The following BTBD10 variants were observed in gnomAD, a reference collection of about 807,000 sequenced individuals.
The protein encoded by BTBD10 is BTB domain containing 10.
A neutral mutation model predicts 53.2 loss-of-function variants in BTBD10; 21 were observed. The observed-to-expected ratio is 0.39, with a 90% CI of 0.28 to 0.57. The LOEUF is 0.57. Ranked by LOEUF, BTBD10 falls within the 20% of genes least tolerant of loss-of-function variation. The probability of loss-of-function intolerance (pLI) is 0.53; values close to 1 mark genes in which losing one functional copy is unlikely to be tolerated. For missense variants in BTBD10, 360 were observed against 594.7 expected, an observed-to-expected ratio of 0.61 and a Z score of 4.10; for synonymous variants, 149 against 192.7, an observed-to-expected ratio of 0.77 and a Z score of 1.88.
intron 2 of BTBD10, among the ~76,000 whole-genome samples, chr11:13,422,344 G>T (rs61360242): frequency 1.3e-5 from 2 of 151,770 alleles, no homozygotes; most frequent in African/African-American, 4.8e-5. Flanking sequence ...TTTTTTTAAA[G>T]TTTTTCTGAA....
intron 2 of BTBD10, among the ~76,000 whole-genome samples, chr11:13,442,934 G>A (rs1423535408): frequency 6.6e-6 from 1 of 151,694 alleles, no homozygotes; most frequent in Non-Finnish European, 1.5e-5. Context: ...TTCTTCCTTG[G>A]GCAGATTTTC....
At chr11:13,414,136 T>C (rs926742043) in intron 5 of BTBD10, among the ~76,000 whole-genome samples, 2 of 152,216 alleles carry the variant, frequency 1.3e-5, no homozygotes, top group African/African-American at 4.8e-5. Context: ...TATTAAAATA[T>C]GTAAAATAAG....
chr11:13,418,275 G>C (rs967915892), intron 4 of BTBD10, among the ~76,000 whole-genome samples: 13 of 151,936 alleles, frequency 8.6e-5, no homozygotes, highest in Admixed American at 2.6e-4. Context: ...TAAAAAGAAG[G>C]CTTTGCTAAT....
intron 6 of BTBD10, among the ~76,000 whole-genome samples, chr11:13,411,806 C>A (rs1009335451): frequency 4.6e-5 from 7 of 151,274 alleles, no homozygotes; most frequent in African/African-American, 1.7e-4. Context: ...AATCAGGGAT[C>A]TATAATGCTC....
chr11:13,418,968 T>A (rs980374621), intron 4 of BTBD10, among the ~76,000 whole-genome samples: 3 of 117,742 alleles, frequency 2.5e-5, no homozygotes, highest in African/African-American at 9.1e-5. Flanking sequence ...CTTGTTGACA[T>A]TCCTTTTTTT....
At chr11:13,445,544 T>C (rs1388166339) in intron 1 of BTBD10, among the ~76,000 whole-genome samples, 2 of 152,168 alleles carry the variant, frequency 1.3e-5, no homozygotes, top group African/African-American at 4.8e-5. Context: ...ACAATTTCAC[T>C]TGGAACATAT....
At chr11:13,394,090 AT>A (rs551326750) in intron 8 of BTBD10, among the ~76,000 whole-genome samples, 93 of 152,324 alleles carry the variant, frequency 6.1e-4, no homozygotes, top group African/African-American at 2.1e-3. Context: ...AGAATTTAAA[AT>A]TTTTAGGTAA....
At chr11:13,393,103 GT>G (rs921369003) in intron 8 of BTBD10, among the ~76,000 whole-genome samples, 1 of 152,128 alleles carries the variant, frequency 6.6e-6, no homozygotes, top group African/African-American at 2.4e-5. Context: ...AATGATTTAG[GT>G]AAGAATTATT....
At chr11:13,438,960 C>T (rs1469710893) in intron 2 of BTBD10, among the ~76,000 whole-genome samples, 2 of 151,812 alleles carry the variant, frequency 1.3e-5, no homozygotes, top group South Asian at 2.1e-4. Flanking sequence ...CAAGATACCA[C>T]GAACAGAACT....
intron 8 of BTBD10, among the ~76,000 whole-genome samples, chr11:13,392,263 G>T (rs1565225479): frequency 6.6e-6 from 1 of 152,304 alleles, no homozygotes; most frequent in South Asian, 2.1e-4. Flanking sequence ...CTTCTTGAAT[G>T]CCTTCCTTAA....
intron 1 of BTBD10, among the ~76,000 whole-genome samples, chr11:13,460,752 T>G (rs1429189862): frequency 6.6e-6 from 1 of 152,252 alleles, no homozygotes; most frequent in African/African-American, 2.4e-5. Context: ...AAGGGATCAG[T>G]ATTTCTTCCA....
chr11:13,411,605 T>C (rs1225631294), intron 6 of BTBD10, among the ~76,000 whole-genome samples: 1 of 152,158 alleles, frequency 6.6e-6, no homozygotes, highest in South Asian at 2.1e-4. Flanking sequence ...TTACTTTTAA[T>C]CTGTAACAAA....
rs1012092635 is a variant in BTBD10 at position 13,393,227 on chromosome 11, T to C, written c.1118-4086A>G. On this transcript the variant is annotated intron_variant, in intron 8 of 8. Coordinates refer to ENST00000278174, the MANE Select transcript of BTBD10 (RefSeq NM_032320.7). Reference sequence around the variant, plus strand: ...GCCTGACTATAGCAATCTCTCAATATGAATATGGGACCACAGAGCTAAAAT... The same window carrying C: ...GCCTGACTATAGCAATCTCTCAATACGAATATGGGACCACAGAGCTAAAAT... Among the ~76,000 whole-genome samples the C allele has an allele frequency of 2.6e-5, 4 of 152,218 alleles. No homozygotes were observed. The East Asian group carries it at 7.7e-4, about 29-fold the overall frequency.
intron 7 of BTBD10, among the ~76,000 whole-genome samples, chr11:13,404,375 T>C (rs1012697368): frequency 2.0e-5 from 3 of 152,104 alleles, no homozygotes; most frequent in Admixed American, 6.6e-5. Context: ...AACAAAAATA[T>C]TGAAGTGAAA....
At chr11:13,447,814 T>C (rs773021043) in intron 1 of BTBD10, among the ~76,000 whole-genome samples, 8 of 152,256 alleles carry the variant, frequency 5.3e-5, no homozygotes, top group Admixed American at 1.3e-4. Flanking sequence ...CCAGTAGTCA[T>C]AGGGTTACAA....
chr11:13,435,428 T>C (rs921203837), intron 2 of BTBD10, among the ~76,000 whole-genome samples: 2 of 152,338 alleles, frequency 1.3e-5, no homozygotes, highest in South Asian at 2.1e-4. Context: ...ATAAAAGATA[T>C]GAAGTACAAA....
At chr11:13,406,863 C>CTT (rs397784460) in intron 6 of BTBD10, among the ~76,000 whole-genome samples, 3 of 151,700 alleles carry the variant, frequency 2.0e-5, no homozygotes, top group Non-Finnish European at 4.4e-5. Context: ...ATGTCTCTCT[C>CTT]CAGGCTGGCT....
At chr11:13,421,124 G>C (rs1248103011) in intron 3 of BTBD10, among the ~76,000 whole-genome samples, 1 of 152,122 alleles carries the variant, frequency 6.6e-6, no homozygotes, top group Non-Finnish European at 1.5e-5. Flanking sequence ...TTCACCTGGG[G>C]TACTAATGTT....
chr11:13,395,701 G>C lies in BTBD10; in HGVS notation c.1118-6560C>G, dbSNP rs904833510. ...AACATGTAAGTCTTTAATCCATCTT[G>C]AATTAATTTTTGTATAAGGTGTAAG... On this transcript the variant is annotated intron_variant, in intron 8 of 8. Transcript: ENST00000278174. 9.4e-4 allele frequency among the ~76,000 whole-genome samples: 143 copies of C among 152,218 alleles called. No homozygotes were observed. The Middle Eastern group carries it at 0.01, about 11-fold the overall frequency.
Sources: allele counts gnomAD v4.1 joint callset (sites outside exome capture counted in the v4.1 genomes callset), GRCh38; gene constraint gnomAD v4.1.1; transcripts MANE v1.5; gene names NCBI Gene and HGNC (gene_info 2026-07-23, HGNC 2026-07-21).